Variants in DPT observed in about 807,000 individuals in gnomAD.
DPT encodes tyrosine-rich acidic matrix protein.
DPT carries 21 observed loss-of-function variants against 31.2 expected under a neutral mutation model. That is an observed-to-expected ratio of 0.67 (90% CI 0.48 to 0.97). The LOEUF is 0.97. Among genes scored for constraint, DPT ranks in the 50% least tolerant of loss-of-function variants. The probability of loss-of-function intolerance (pLI) is 0.00; values close to 1 mark genes in which losing one functional copy is unlikely to be tolerated. For synonymous variants in DPT, 91 were observed against 86.9 expected (o/e 1.05, Z -0.26); for missense variants, 262 against 258.8 (o/e 1.01, Z -0.08).
At position 168,706,820 on chromosome 1, in the gene DPT, T is replaced by C. The variant is rs77021555; in HGVS notation, c.432-5696A>G. On this transcript the variant is annotated intron_variant, in intron 2 of 3. Transcript: ENST00000367817. Reference sequence around the variant, plus strand: ...TCCAAATTGCTCTCTTGGAACTGAGTTTCTAACTCACTGTCCAAGCCCAGG... The same window carrying C: ...TCCAAATTGCTCTCTTGGAACTGAGCTTCTAACTCACTGTCCAAGCCCAGG... Among the ~76,000 whole-genome samples the C allele has an allele frequency of 8.8e-3, 1,342 of 152,184 alleles. 8 individuals are homozygous for C. The highest frequency in any genetic ancestry group is 0.014 in the Non-Finnish European group (932 of 67,998).
chr1:168,718,923 G>A (rs1572631453), intron 1 of DPT, among the ~76,000 whole-genome samples: 1 of 152,114 alleles, frequency 6.6e-6, no homozygotes, highest in East Asian at 1.9e-4. Flanking sequence ...GGATTCATAG[G>A]CCCTCCCTGA....
At chr1:168,722,185 C>T (rs761133301) in intron 1 of DPT, among the ~76,000 whole-genome samples, 20 of 152,104 alleles carry the variant, frequency 1.3e-4, no homozygotes, top group Middle Eastern at 3.2e-3. Flanking sequence ...GTAAATTTGA[C>T]GTGAGTTTAT....
At chr1:168,707,091 G>C (rs1649736152) in intron 2 of DPT, among the ~76,000 whole-genome samples, 1 of 152,190 alleles carries the variant, frequency 6.6e-6, no homozygotes, top group Non-Finnish European at 1.5e-5. Flanking sequence ...ATGGGATTTG[G>C]AGGCAGATAG....
chr1:168,715,116 T>C (rs929844157), intron 1 of DPT, among the ~76,000 whole-genome samples: 1 of 152,212 alleles, frequency 6.6e-6, no homozygotes, highest in Non-Finnish European at 1.5e-5. Context: ...TTTCCTGTCC[T>C]AGCTGCTTAG....
At chr1:168,723,959 T>C (rs1650179855) in intron 1 of DPT, among the ~76,000 whole-genome samples, 2 of 152,220 alleles carry the variant, frequency 1.3e-5, no homozygotes, top group Non-Finnish European at 2.9e-5. Flanking sequence ...TGTCTAGGAA[T>C]GCTAAGAAAT....
At chr1:168,719,564 AG>A (rs1377873295) in intron 1 of DPT, among the ~76,000 whole-genome samples, 1 of 152,108 alleles carries the variant, frequency 6.6e-6, no homozygotes, top group Admixed American at 6.5e-5. Context: ...CCTGGAGAAC[AG>A]GGCAGTGGCT....
chr1:168,727,090 A>G (rs904759338), intron 1 of DPT, among the ~76,000 whole-genome samples: 1 of 152,154 alleles, frequency 6.6e-6, no homozygotes, highest in Non-Finnish European at 1.5e-5. Context: ...CCTCTCCAGG[A>G]GGAAGAACTG....
At chr1:168,715,311 G>T (rs997645308) in intron 1 of DPT, among the ~76,000 whole-genome samples, 1 of 151,876 alleles carries the variant, frequency 6.6e-6, no homozygotes, top group Admixed American at 6.6e-5. Flanking sequence ...CCATTCCTGG[G>T]CCCAATTCCT....
chr1:168,721,867 G>C (rs1650123628), intron 1 of DPT, among the ~76,000 whole-genome samples: 1 of 152,176 alleles, frequency 6.6e-6, no homozygotes, highest in Non-Finnish European at 1.5e-5. Flanking sequence ...CTTCCTGCCT[G>C]CATCTGGGTA....
At chr1:168,697,091 G>A (rs1649483849) in intron 3 of DPT, among the ~76,000 whole-genome samples, 1 of 151,864 alleles carries the variant, frequency 6.6e-6, no homozygotes, top group African/African-American at 2.4e-5. Context: ...TGGAAACCCT[G>A]ACTCCACAAA....
At chr1:168,711,808 ATAT>A (rs1157712259) in intron 2 of DPT, among the ~76,000 whole-genome samples, 1 of 152,168 alleles carries the variant, frequency 6.6e-6, no homozygotes, top group African/African-American at 2.4e-5. Flanking sequence ...GGCCAGAAAT[ATAT>A]TATCTTATTT....
chr1:168,698,804 A>T (rs1047302618), intron 3 of DPT, among the ~76,000 whole-genome samples: 7 of 152,202 alleles, frequency 4.6e-5, no homozygotes, highest in African/African-American at 1.4e-4. Context: ...TTGCATGTGG[A>T]GGGAAAGCTC....
At chr1:168,703,123 T>C (rs1336312486) in intron 2 of DPT, among the ~76,000 whole-genome samples, 1 of 152,220 alleles carries the variant, frequency 6.6e-6, no homozygotes, top group Non-Finnish European at 1.5e-5. Flanking sequence ...AAATATTTTC[T>C]AAAACTTTTG....
intron 2 of DPT, among the ~76,000 whole-genome samples, chr1:168,712,002 A>G (rs1649877284): frequency 6.6e-6 from 1 of 152,166 alleles, no homozygotes; most frequent in Admixed American, 6.5e-5. Flanking sequence ...TAAGAGAATT[A>G]TATTTTCTGG....
At chr1:168,716,116 A>G (rs1035617949) in intron 1 of DPT, among the ~76,000 whole-genome samples, 3 of 152,220 alleles carry the variant, frequency 2.0e-5, no homozygotes, top group African/African-American at 7.2e-5. Context: ...ACAAAATTAG[A>G]TATTAAATAT....
intron 1 of DPT, among the ~76,000 whole-genome samples, chr1:168,715,364 C>T (rs1649958370): frequency 6.6e-6 from 1 of 152,138 alleles, no homozygotes; most frequent in East Asian, 1.9e-4. Flanking sequence ...GATGATAACA[C>T]TATTTTCTAC....
At position 168,708,433 on chromosome 1, in the gene DPT, C is replaced by T. The variant is rs148055512; in HGVS notation, c.431+5788G>A. On this transcript the variant is annotated intron_variant, in intron 2 of 3. Transcript: ENST00000367817. ...ATGGAAGGCAATGGTTTTAGTAGGG[C>T]GCAGAGCATCTAAACCCAATATAAG... is the stretch of plus-strand genomic sequence containing the variant. Among the ~76,000 whole-genome samples the T allele has an allele frequency of 3.5e-3, 528 of 152,242 alleles. 2 individuals carry two copies. Among genetic ancestry groups the T allele is most frequent in the African/African-American group, 0.012 (485 of 41,546 alleles).
At chr1:168,727,714 T>G (rs1650282368) in intron 1 of DPT, among the ~76,000 whole-genome samples, 1 of 151,690 alleles carries the variant, frequency 6.6e-6, no homozygotes, top group African/African-American at 2.4e-5. Context: ...AATTTTTTTT[T>G]TTCTGTAGAG....
intron 1 of DPT, among the ~76,000 whole-genome samples, chr1:168,719,092 A>G (rs1207859313): frequency 1.3e-5 from 2 of 152,148 alleles, no homozygotes; most frequent in Non-Finnish European, 2.9e-5. Flanking sequence ...AGAATGAGGG[A>G]CCGAATGAGT....
Sources: allele counts gnomAD v4.1 joint callset (sites outside exome capture counted in the v4.1 genomes callset), GRCh38; gene constraint gnomAD v4.1.1; transcripts MANE v1.5; gene names NCBI Gene and HGNC (gene_info 2026-07-23, HGNC 2026-07-21).